The following FRY variants were observed in gnomAD, a reference collection of about 807,000 sequenced individuals.
FRY encodes FRY microtubule binding protein, also known as protein furry homolog.
A neutral mutation model predicts 348.4 loss-of-function variants in FRY; 128 were observed. That is an observed-to-expected ratio of 0.37 (90% confidence interval 0.32 to 0.43). The LOEUF (loss-of-function observed/expected upper bound fraction) is 0.43. FRY is among the 20% of genes least tolerant of loss of function. The pLI, the probability that FRY is intolerant of heterozygous loss-of-function variation, is 1.00. For missense variants in FRY, 2,736 were observed against 3,695.2 expected (o/e 0.74, Z 6.73); for synonymous variants, 1,370 against 1,374.7 (o/e 1.00, Z 0.08).
At chr13:32,255,816 G>C (rs1395020260) in intron 51 of FRY, among the ~76,000 whole-genome samples, 1 of 152,174 alleles carries the variant, frequency 6.6e-6, no homozygotes, top group Non-Finnish European at 1.5e-5. Flanking sequence ...AGTTCAGCTA[G>C]TGTCAAAAGA....
In FRY at chr13:32,193,591, C is replaced by CTTTTTTTTTTTTTT. The variant is rs71194514; in HGVS notation, c.3592-540_3592-539insTTTTTTTTTTTTTT. Among the ~76,000 whole-genome samples the CTTTTTTTTTTTTTT allele has an allele frequency of 2.2e-4, 29 of 130,292 alleles. 1 individual carries two copies. Among genetic ancestry groups the CTTTTTTTTTTTTTT allele is most frequent in the African/African-American group, 7.5e-4 (26 of 34,752 alleles). 85.5% of individuals were successfully genotyped at this position (130,292 alleles called of 152,430 possible). A position where few individuals can be genotyped will look rare whatever the true frequency, so the allele number is the denominator to read the frequency against. Reference sequence around the variant, plus strand: ...AAAAATTGCCAATAAAGTCTTCGTCCTTTTTTTTTTTTGAGACCTAGTCTC... The same window carrying CTTTTTTTTTTTTTT: ...AAAAATTGCCAATAAAGTCTTCGTCCTTTTTTTTTTTTTTTTTTTTTTTTTTGAGACCTAGTCTC... On this transcript the variant is annotated intron_variant, in intron 28 of 60. Coordinates refer to ENST00000542859, the MANE Select transcript of FRY (RefSeq NM_023037.3).
intron 24 of FRY, among the ~76,000 whole-genome samples, chr13:32,184,051 C>T (rs537436680): frequency 4.0e-5 from 6 of 151,802 alleles, no homozygotes; most frequent in African/African-American, 7.3e-5. Context: ...TGGTGGTGCA[C>T]GCCTGTAGTC....
intron 50 of FRY, among the ~76,000 whole-genome samples, chr13:32,253,117 A>G (rs567329551): frequency 1.4e-4 from 21 of 152,360 alleles, no homozygotes; most frequent in Admixed American, 1.4e-3. Context: ...ATTACAAATA[A>G]GAGAAGCAGC....
At chr13:32,120,631 C>G (rs980485527) in intron 4 of FRY, among the ~76,000 whole-genome samples, 1 of 152,086 alleles carries the variant, frequency 6.6e-6, no homozygotes, top group Admixed American at 6.6e-5. Flanking sequence ...CCACTCTTCC[C>G]CCCAAGTCCC....
intron 43 of FRY, 65 bp downstream of exon 43, chr13:32,236,237 G>A: frequency 8.4e-7 from 1 of 1,183,518 alleles, no homozygotes; most frequent in Non-Finnish European, 1.3e-6. Flanking sequence ...GGGAGATGCT[G>A]GACTTTAGGA....
Position 32,289,627 on chromosome 13 carries a change from CTT to C in FRY, c.8470-4_8470-3del. ...CTGTTTCTTCCCATGCAATTTCTCT[CTT>C]TAGCAATTGGAACTGTGTCAGAGAT... On this transcript the variant is annotated splice_polypyrimidine_tract_variant and splice_region_variant and intron_variant, in intron 58 of 60. Transcript: ENST00000542859. 6.6e-7 allele frequency: 1 copy of C among 1,513,298 alleles called. No individual in the cohort carries two copies. The highest frequency in any genetic ancestry group is 9.2e-7 in the Non-Finnish European group (1 of 1,087,988). The allele number at this position is 1,513,298 out of a possible 1,614,324, so 93.7% of individuals were successfully genotyped here. A position where few individuals can be genotyped will look rare whatever the true frequency, so the allele number is the denominator to read the frequency against.
chr13:32,205,289 A>C (rs1452959816), intron 31 of FRY, among the ~76,000 whole-genome samples: 1 of 152,090 alleles, frequency 6.6e-6, no homozygotes, highest in Non-Finnish European at 1.5e-5. Flanking sequence ...AAAAATGCTC[A>C]ATGTATTAGA....
chr13:32,155,396 T>A lies in FRY; in HGVS notation c.1480-95T>A. On this transcript the variant is annotated intron_variant, in intron 14 of 60. Transcript: ENST00000542859. Reference sequence around the variant, plus strand: ...AATTATTTTCTCATACTCATCTACATGCAATTCAGTCTTAACTATCTGAAA... The same window carrying A: ...AATTATTTTCTCATACTCATCTACAAGCAATTCAGTCTTAACTATCTGAAA... The A allele has an allele frequency of 5.7e-6, 5 of 879,154 alleles. No individual in the cohort carries two copies. The South Asian group carries it at 6.6e-5, about 12-fold the overall frequency. 54.5% of individuals were successfully genotyped at this position (879,154 alleles called of 1,614,324 possible). A position where few individuals can be genotyped will look rare whatever the true frequency, so the allele number is the denominator to read the frequency against.
Position 32,182,995 on chromosome 13 carries a change from T to C in FRY, c.3015T>C (p.Leu1005=). The change falls in exon 24 of 61, where the codon CTT becomes CTC. Residue 1005 remains leucine, a synonymous_variant. Transcript: ENST00000542859. The part of the protein sequence containing the change: ...SLVFRELVEE[L]HPLMKEALER... ...TCCACAGAGAATTGGTAGAAGAACT[T>C]CATCCATTAATGAAAGAAGCTCTGG... 1.2e-6 allele frequency: 2 copies of C among 1,605,670 alleles called. No individual in the cohort carries two copies. The highest frequency in any genetic ancestry group is 1.3e-5 in the African/African-American group (1 of 74,818).
chr13:32,160,767 C>CAT (rs142611888), intron 16 of FRY, among the ~76,000 whole-genome samples: 17,858 of 62,310 alleles, frequency 0.29, 1,196 homozygotes, highest in East Asian at 0.56. Flanking sequence ...GGCACCATTC[C>CAT]ATATATATAT....
At chr13:32,289,583 G>C in intron 58 of FRY, 50 bp from the exon 59 acceptor site, 1 of 1,119,978 alleles carries the variant, frequency 8.9e-7, no homozygotes, top group Non-Finnish European at 1.4e-6. Context: ...AGTTATATGT[G>C]AATGATCTTT....
At chr13:32,082,252 T>C in intron 2 of FRY, among the ~76,000 whole-genome samples, 1 of 147,964 alleles carries the variant, frequency 6.8e-6, no homozygotes, top group African/African-American at 2.5e-5. Flanking sequence ...GAAATAAAAA[T>C]GTTCCACAAA....
intron 7 of FRY, among the ~76,000 whole-genome samples, chr13:32,130,201 C>T (rs1051353625): frequency 1.1e-4 from 16 of 151,936 alleles, no homozygotes; most frequent in East Asian, 3.9e-4. Context: ...CCACCACGCC[C>T]GGCTAATTTT....
chr13:32,208,312 T>C (rs543297508), intron 31 of FRY, among the ~76,000 whole-genome samples: 1 of 152,384 alleles, frequency 6.6e-6, no homozygotes, highest in East Asian at 1.9e-4. Flanking sequence ...GGTGTTAGCC[T>C]GATCCTAACC....
At chr13:32,227,807 A>G (rs1287503452) in intron 39 of FRY, among the ~76,000 whole-genome samples, 1 of 144,660 alleles carries the variant, frequency 6.9e-6, no homozygotes, top group African/African-American at 2.6e-5. Flanking sequence ...GCTGGAGCGC[A>G]GCGGCGCGAT....
At chr13:32,265,803 G>A (rs1887896133) in intron 54 of FRY, among the ~76,000 whole-genome samples, 187 bp downstream of exon 54, 1 of 152,098 alleles carries the variant, frequency 6.6e-6, no homozygotes, top group Non-Finnish European at 1.5e-5. Flanking sequence ...GGCCTCGTGT[G>A]GAACAAAGAA....
intron 4 of FRY, among the ~76,000 whole-genome samples, chr13:32,118,754 C>T (rs529516957): frequency 6.6e-6 from 1 of 152,188 alleles, no homozygotes; most frequent in South Asian, 2.1e-4. Flanking sequence ...GCAGCCTCTC[C>T]TCATGAATAT....
At chr13:32,126,818 G>A (rs1279771141) in intron 7 of FRY, among the ~76,000 whole-genome samples, 1 of 152,184 alleles carries the variant, frequency 6.6e-6, no homozygotes, top group Admixed American at 6.5e-5. Flanking sequence ...GTGGGAGAAA[G>A]AATGTTTGCT....
chr13:32,273,694 A>G (rs1888336541), intron 55 of FRY, among the ~76,000 whole-genome samples: 1 of 152,186 alleles, frequency 6.6e-6, no homozygotes, highest in African/African-American at 2.4e-5. Flanking sequence ...TCAAATGCAC[A>G]GTTTCCGTGC....
Sources: allele counts gnomAD v4.1 joint callset (sites outside exome capture counted in the v4.1 genomes callset), GRCh38; gene constraint gnomAD v4.1.1; transcripts MANE v1.5; gene names NCBI Gene and HGNC (gene_info 2026-07-23, HGNC 2026-07-21).